MTRF1: variants seen among roughly 807,000 people sequenced by gnomAD.
MTRF1 encodes peptide chain release factor 1, mitochondrial.
Under a neutral mutation model 62.9 loss-of-function variants are expected in MTRF1, and 51 were observed. The ratio of observed to expected loss-of-function variants is 0.81; its 90% CI spans 0.65 to 1.02. The LOEUF is 1.02. Among genes scored for constraint, MTRF1 ranks in the 50% least tolerant of loss-of-function variants. MTRF1 has a pLI of 0.00. For synonymous variants in MTRF1, 158 were observed against 181.9 expected (o/e 0.87, Z 1.06); for missense variants, 446 against 530.0 (o/e 0.84, Z 1.56).
chr13:41,293,197 C>T, the MTRF1 span, among the ~76,000 whole-genome samples: 1 of 151,762 alleles, frequency 6.6e-6, no homozygotes, highest in Non-Finnish European at 1.5e-5. Context: ...TACATATATA[C>T]ATGTATTATA....
the MTRF1 span, among the ~76,000 whole-genome samples, chr13:41,309,386 G>A: frequency 6.7e-6 from 1 of 148,384 alleles, no homozygotes; most frequent in Non-Finnish European, 1.5e-5. Flanking sequence ...GTGTGTGTTT[G>A]CCATGTTGCC....
the MTRF1 span, among the ~76,000 whole-genome samples, chr13:41,309,988 C>T: frequency 1.3e-5 from 2 of 152,126 alleles, no homozygotes; most frequent in Non-Finnish European, 1.5e-5. Context: ...AAGAACAAAA[C>T]ATCGTCTCAA....
the MTRF1 span, among the ~76,000 whole-genome samples, chr13:41,270,852 C>T: frequency 6.6e-6 from 1 of 151,952 alleles, no homozygotes; most frequent in Non-Finnish European, 1.5e-5. Context: ...GCTATTCTGC[C>T]TCAGCCTCTC....
At chr13:41,238,066 T>C (rs2036950423) in intron 6 of MTRF1, among the ~76,000 whole-genome samples, 1 of 152,220 alleles carries the variant, frequency 6.6e-6, no homozygotes, top group Non-Finnish European at 1.5e-5. Context: ...GAAACTTTGA[T>C]TTCAAAACAT....
chr13:41,311,154 C>A, the MTRF1 span: 1 of 352,950 alleles, frequency 2.8e-6, no homozygotes, highest in South Asian at 3.4e-5. Context: ...CAAGGCAAAT[C>A]CACGCGGTTG....
intron 1 of MTRF1, chr13:41,261,955 A>G (rs1484800897): frequency 1.2e-5 from 2 of 165,446 alleles, no homozygotes. Flanking sequence ...TCTCAATTAC[A>G]TTTAAAAAAT....
the MTRF1 span, among the ~76,000 whole-genome samples, chr13:41,312,016 G>C: frequency 0.053 from 8,031 of 152,290 alleles, 283 homozygotes; most frequent in Non-Finnish European, 0.074. Context: ...CGTTTAGTTA[G>C]ATTGCACAGC....
At chr13:41,283,743 C>T in the MTRF1 span, among the ~76,000 whole-genome samples, 1 of 151,494 alleles carries the variant, frequency 6.6e-6, no homozygotes, top group East Asian at 1.9e-4. Context: ...GCGCCCGCCA[C>T]TACGCCCGGC....
intron 2 of MTRF1, among the ~76,000 whole-genome samples, chr13:41,256,420 G>A (rs997938498): frequency 2.6e-5 from 4 of 151,610 alleles, no homozygotes; most frequent in African/African-American, 9.7e-5. Flanking sequence ...TCCGCCTCCT[G>A]GGTTCAAGCA....
At chr13:41,254,312 ATT>A (rs1057088580) in intron 3 of MTRF1, among the ~76,000 whole-genome samples, 3 of 147,312 alleles carry the variant, frequency 2.0e-5, no homozygotes, top group Admixed American at 6.8e-5. Context: ...TCAACTTTGA[ATT>A]TTTTTTTTTT....
At chr13:41,296,237 T>C in the MTRF1 span, among the ~76,000 whole-genome samples, 1 of 151,964 alleles carries the variant, frequency 6.6e-6, no homozygotes, top group East Asian at 1.9e-4. Flanking sequence ...TGAGCCACCA[T>C]GCTGTAAAAA....
At chr13:41,295,824 C>T in the MTRF1 span, among the ~76,000 whole-genome samples, 1 of 152,114 alleles carries the variant, frequency 6.6e-6, no homozygotes, top group Admixed American at 6.6e-5. Flanking sequence ...CTTTGCTGCC[C>T]AGGCTGGAGT....
chr13:41,283,046 T>A, the MTRF1 span, among the ~76,000 whole-genome samples: 1 of 152,328 alleles, frequency 6.6e-6, no homozygotes, highest in African/African-American at 2.4e-5. Context: ...TGGGGTGGTA[T>A]CCTCCCAAAT....
At chr13:41,227,441 G>T (rs2034645737) in intron 7 of MTRF1, among the ~76,000 whole-genome samples, 2 of 152,096 alleles carry the variant, frequency 1.3e-5, no homozygotes, top group African/African-American at 4.8e-5. Context: ...AGTTAGCTGG[G>T]GTCCAGCTAA....
At chr13:41,228,062 C>G (rs2034787411) in intron 7 of MTRF1, among the ~76,000 whole-genome samples, 1 of 152,240 alleles carries the variant, frequency 6.6e-6, no homozygotes. Context: ...GTCAGCTGAT[C>G]TGTACTGATT....
upstream of MTRF1, among the ~76,000 whole-genome samples, chr13:41,265,421 CAA>C (rs75587601): frequency 4.7e-5 from 6 of 127,524 alleles, no homozygotes; most frequent in Admixed American, 7.9e-5. Context: ...AACTCCGTCT[CAA>C]AAAAAAAAAA....
Position 41,240,449 on chromosome 13 carries a change from T to C in MTRF1, c.698-16A>G, listed in dbSNP as rs781414277. On this transcript the variant is annotated splice_polypyrimidine_tract_variant and intron_variant, in intron 5 of 9. Transcript: ENST00000379480. ...TGTAGTCCACCTAGGGGAACAACAA[T>C]CCAGAAATAGTAATGAATTATCCTT... The C allele has an allele frequency of 5.0e-6, 8 of 1,607,194 alleles. No individual in the cohort carries two copies. The highest frequency in any genetic ancestry group is 6.8e-6 in the Non-Finnish European group (8 of 1,176,552).
At chr13:41,230,630 G>C (rs2035366732) in intron 7 of MTRF1, among the ~76,000 whole-genome samples, 1 of 148,882 alleles carries the variant, frequency 6.7e-6, no homozygotes, top group East Asian at 2.0e-4. Context: ...GAGAAAGTAT[G>C]AAATTATCCT....
chr13:41,242,623 T>C (rs2037667542), intron 5 of MTRF1, among the ~76,000 whole-genome samples: 1 of 152,304 alleles, frequency 6.6e-6, no homozygotes, highest in South Asian at 2.1e-4. Context: ...ATCTTACAAA[T>C]GAAGCATTGC....
Sources: gnomAD v4.1 joint callset for allele counts (sites outside exome capture counted in the v4.1 genomes callset) on GRCh38, gnomAD v4.1.1 for gene constraint, MANE v1.5 for transcripts, NCBI Gene and HGNC (gene_info 2026-07-23, HGNC 2026-07-21) for gene names.